APOB: variants seen among roughly 807,000 people sequenced by gnomAD.
The protein encoded by APOB is apolipoprotein B.
APOB carries 153 observed loss-of-function variants against 314.1 expected under a neutral mutation model. That is an observed-to-expected ratio of 0.49 (90% CI 0.43 to 0.56). APOB has a LOEUF of 0.56. Ranked by LOEUF, APOB falls within the 20% of genes least tolerant of loss-of-function variation. APOB has a pLI of 0.00. For missense variants in APOB, 5,430 were observed against 5,350.7 expected, an observed-to-expected ratio of 1.01 and a Z score of -0.46; for synonymous variants, 2,087 against 2,036.4, an observed-to-expected ratio of 1.02 and a Z score of -0.67.
rs778924462 is a variant in APOB at position 21,008,384 on chromosome 2, C to T, written c.8484G>A (p.Val2828=). The change falls in exon 26 of 29, where the codon GTG becomes GTA. Residue 2828 remains valine (V), a synonymous_variant. Transcript: ENST00000233242. The stretch of plus-strand genomic sequence containing the variant: ...TTCTCAGGTACTTGCTGGAGAACTT[C>T]ACTGACTCCTTCAGAGCCAGCGGAT... ...KINPLALKES[V]KFSSKYLRTE... is the part of the protein sequence containing the mutation. The T allele has an allele frequency of 1.9e-6, 3 of 1,613,952 alleles. No individual in the cohort carries two copies. In the African/African-American group the frequency reaches 4.0e-5, roughly 22 times the overall value.
In APOB at chr2:21,008,338, G is replaced by A. The variant is rs1553383318; in HGVS notation, c.8530C>T (p.Leu2844=). ...YLRTEHGSEM[L]FFGNAIEGKS... ...CCCTCAATAGCATTTCCAAAAAACA[G>A]CATTTCACTCCCATGCTCCGTTCTC... The change falls in exon 26 of 29, where the codon CTG becomes TTG. Residue 2844 remains leucine (L), a synonymous_variant. Coordinates refer to ENST00000233242, the MANE Select transcript of APOB (RefSeq NM_000384.3). The A allele has an allele frequency of 3.1e-6, 5 of 1,613,078 alleles. No individual in the cohort carries two copies. Among genetic ancestry groups the A allele is most frequent in the Non-Finnish European group, 2.5e-6 (3 of 1,179,370 alleles).
chr2:21,011,110 A>G lies in APOB; in HGVS notation c.5758T>C (p.Trp1920Arg). ...TACAGCTGCCCAGTATGTTCTCCCC[A>G]GAGAGCGAGTTTCCCATTGCCATTT... is the stretch of plus-strand genomic sequence containing the variant. ...HTNGNGKLAL[W>R]GEHTGQLYSK... Residue 1920 changes from tryptophan (W) to arginine (R), a missense_variant, in exon 26 of 29, where the codon TGG becomes CGG. By Grantham distance (101) the Trp-to-Arg change is moderately radical (BLOSUM62 -3). This residue lies in a region of APOB where 3,281 missense variants were observed against 3,171.0 expected (regional missense o/e 1.03). Coordinates refer to ENST00000233242, the MANE Select transcript of APOB (RefSeq NM_000384.3). The G allele has an allele frequency of 1.2e-6, 2 of 1,614,230 alleles. No individual in the cohort carries two copies. The highest frequency in any genetic ancestry group is 1.1e-5 in the South Asian group (1 of 91,084).
rs1368218567 is a variant in APOB at position 21,007,641 on chromosome 2, A to C, written c.9227T>G (p.Leu3076Arg). The change falls in exon 26 of 29, where the codon CTG becomes CGG. Residue 3076 changes from leucine (L) to arginine (R), a missense_variant. Leu to Arg is a moderately radical substitution (Grantham distance 102). Coordinates refer to ENST00000233242, the MANE Select transcript of APOB (RefSeq NM_000384.3). Reference sequence around the variant, plus strand: ...TTGCTGGGCACTGGGACTCAGAAACAGTGCATAGTTATTCAGGAAGTCTAT... The same window carrying C: ...TTGCTGGGCACTGGGACTCAGAAACCGTGCATAGTTATTCAGGAAGTCTAT... The part of the protein sequence containing the change: ...GKIDFLNNYA[L>R]FLSPSAQQAS... 6.2e-7 allele frequency: 1 copy of C among 1,614,100 alleles called. No homozygotes were observed.
chr2:21,042,361 C>G lies in APOB; in HGVS notation c.237G>C (p.Lys79Asn). The G allele has an allele frequency of 6.2e-7, 1 of 1,611,856 alleles. No individual in the cohort carries two copies. The highest frequency in any genetic ancestry group is 1.7e-4 in the Middle Eastern group (1 of 5,842). Residue 79 changes from lysine to asparagine, a missense_variant and splice_region_variant, in exon 3 of 29, where the codon AAG (lysine) becomes AAC (asparagine). Physicochemically the swap from Lys to Asn is moderately conservative, Grantham distance 94. Coordinates refer to ENST00000233242, the MANE Select transcript of APOB (RefSeq NM_000384.3). Reference sequence around the variant, plus strand: ...TCCCTCCTGCCTGCATCCTCCATACCTTGCAGTTGATCCTGGTGGCACTTC... The same window carrying G: ...TCCCTCCTGCCTGCATCCTCCATACGTTGCAGTTGATCCTGGTGGCACTTC... ...DSRSATRINC[K>N]VELEVPQLCS...
Position 21,023,031 on chromosome 2 carries a change from TTCAGCCTGCA to T in APOB, c.2606_2615del (p.Met869AsnfsTer13). ...CAGACACGGAGGGTTTTGCCACCAG[TTCAGCCTGCA>T]TCTATAAGTCAGAAAACAACCTATT... On this transcript the variant is annotated frameshift_variant and splice_region_variant, in exon 18 of 29. Transcript: ENST00000233242. LOFTEE classifies it high-confidence loss of function. 1 of 1,614,140 alleles carries T rather than the reference TTCAGCCTGCA, an allele frequency of 6.2e-7. No homozygotes were observed.
At chr2:21,029,293 A>G (rs1345399982) in intron 12 of APOB, among the ~76,000 whole-genome samples, 1 of 152,248 alleles carries the variant, frequency 6.6e-6, no homozygotes, top group Non-Finnish European at 1.5e-5. Flanking sequence ...CTACTAAAAA[A>G]TACAAAAATT....
chr2:21,007,896 T>G lies in APOB; in HGVS notation c.8972A>C (p.Gln2991Pro). Residue 2991 changes from glutamine (Q) to proline (P), a missense_variant, in exon 26 of 29, where the codon CAA (glutamine) becomes CCA (proline). By Grantham distance (76) the Gln-to-Pro change is moderately conservative. Coordinates refer to ENST00000233242, the MANE Select transcript of APOB (RefSeq NM_000384.3). ...GTGGCCCACATGCTGGGAATCGACT[T>G]GTGATTGAATTTCAAGTTTAGAAAA... ...LNFSKLEIQS[Q>P]VDSQHVGHSV... 1.2e-6 allele frequency: 2 copies of G among 1,614,056 alleles called. No individual in the cohort carries two copies. Among genetic ancestry groups the G allele is most frequent in the Non-Finnish European group, 1.7e-6 (2 of 1,179,960 alleles).
In APOB at chr2:21,011,706, A is replaced by G. The variant is rs1221823207; in HGVS notation, c.5162T>C (p.Val1721Ala). 2 of 1,613,984 alleles carry G rather than the reference A, an allele frequency of 1.2e-6. No individual in the cohort carries two copies. The highest frequency in any genetic ancestry group is 1.7e-6 in the Non-Finnish European group (2 of 1,180,032). The change falls in exon 26 of 29, where the codon GTC (valine) becomes GCC (alanine). Residue 1721 changes from valine to alanine, a missense_variant. Physicochemically the swap from Val to Ala is moderately conservative, Grantham distance 64. Transcript: ENST00000233242. ...GAAGTTGAAAATGTTTTTGCTGTCG[A>G]CACCCAGAATCATGGCCTGATAAGC... The part of the protein sequence containing the change: ...GSAYQAMILG[V>A]DSKNIFNFKV...
At position 21,009,116 on chromosome 2, in the gene APOB, C is replaced by T. The variant is rs1290144717; in HGVS notation, c.7752G>A (p.Gly2584=). The change falls in exon 26 of 29, where the codon GGG becomes GGA. Residue 2584 remains glycine (G), a synonymous_variant. Transcript: ENST00000233242. ...AKRMKALVEQ[G]FTVPEIKTIL... is the part of the protein sequence containing the mutation. ...TGGTCTTGATTTCAGGAACAGTGAA[C>T]CCTTGCTCTACCAATGCTTTCATAC... 6.2e-7 allele frequency: 1 copy of T among 1,613,920 alleles called. No individual in the cohort carries two copies. The highest frequency in any genetic ancestry group is 2.2e-5 in the East Asian group (1 of 44,890).
In APOB at chr2:21,006,567, G is replaced by A; in HGVS notation, c.10301C>T (p.Pro3434Leu). ...TTGCTTGAAATTCATTCTCAAAATT[G>A]GAATTTGGGCTTTTGTGGTTGTTGC... The part of the protein sequence containing the change: ...SVATTTKAQI[P>L]ILRMNFKQEL... The change falls in exon 26 of 29, where the codon CCA (proline) becomes CTA (leucine). Residue 3434 changes from proline (P) to leucine (L), a missense_variant. Physicochemically the swap from Pro to Leu is moderately conservative, Grantham distance 98. Transcript: ENST00000233242. 1 of 1,614,064 alleles carries A rather than the reference G, an allele frequency of 6.2e-7. No individual in the cohort carries two copies. Among genetic ancestry groups the A allele is most frequent in the Non-Finnish European group, 8.5e-7 (1 of 1,179,960 alleles).
At position 21,009,459 on chromosome 2, in the gene APOB, A is replaced by G. The variant is rs746574955; in HGVS notation, c.7409T>C (p.Leu2470Ser). 3.1e-6 allele frequency: 5 copies of G among 1,614,012 alleles called. No individual in the cohort carries two copies. The Admixed American group carries it at 8.3e-5, about 27-fold the overall frequency. The change falls in exon 26 of 29, where the codon TTA (leucine) becomes TCA (serine). Residue 2470 changes from leucine to serine, a missense_variant. By Grantham distance (145) the Leu-to-Ser change is moderately radical (BLOSUM62 -2). Transcript: ENST00000233242. ...PQKAEALKLF[L>S]EETKATVAVY... ...TGCAACTGTGGCCTTGGTTTCCTCT[A>G]AAAACAGTTTTAATGCTTCAGCTTT...
intron 18 of APOB, 80 bp downstream of exon 18, chr2:21,022,750 GT>G: frequency 7.4e-7 from 1 of 1,357,450 alleles, no homozygotes; most frequent in Non-Finnish European, 1.0e-6. Flanking sequence ...TCAATCAACT[GT>G]TTAGCCTGGC....
At chr2:21,040,166 T>C (rs1339947872) in intron 4 of APOB, among the ~76,000 whole-genome samples, 5 of 152,230 alleles carry the variant, frequency 3.3e-5, no homozygotes, top group Non-Finnish European at 7.3e-5. Flanking sequence ...CTACATAAGA[T>C]GTGACTTGCT....
chr2:21,011,837 G>A lies in APOB; in HGVS notation c.5031C>T (p.Leu1677=), dbSNP rs1470699800. ...TTGTTAATTTCATAGATGCCCCAGAGAGGCCAAGCTCTGCATTCAGCTCAT... is the reference window on the plus strand; with the variant it reads ...TTGTTAATTTCATAGATGCCCCAGAAAGGCCAAGCTCTGCATTCAGCTCAT... ...LENELNAELG[L]SGASMKLTTN... is the part of the protein sequence containing the mutation. Residue 1677 remains leucine, a synonymous_variant, in exon 26 of 29, where the codon CTC becomes CTT. Transcript: ENST00000233242. 3.1e-6 allele frequency: 5 copies of A among 1,614,014 alleles called. No individual in the cohort carries two copies. In the African/African-American group the frequency reaches 4.0e-5, roughly 13 times the overall value.
chr2:21,002,844 A>C lies in APOB; in HGVS notation c.12578T>G (p.Leu4193Arg). 6.2e-7 allele frequency: 1 copy of C among 1,613,214 alleles called. No homozygotes were observed. Among genetic ancestry groups the C allele is most frequent in the Non-Finnish European group, 8.5e-7 (1 of 1,179,640 alleles). Residue 4193 changes from leucine (L) to arginine (R), a missense_variant, in exon 29 of 29, where the codon CTC (leucine) becomes CGC (arginine). Coordinates refer to ENST00000233242, the MANE Select transcript of APOB (RefSeq NM_000384.3). Reference protein sequence around the residue: ...HMKVKHLIDSLIDFLNFPRFQ... With the variant: ...HMKVKHLIDSRIDFLNFPRFQ... ...TCTGGGGAAGTTCAGAAAATCAATG[A>C]GTGAGTCAATCAGATGCTTGACTTT...
chr2:21,012,038 C>A lies in APOB; in HGVS notation c.4830G>T (p.Arg1610Ser), dbSNP rs977664488. The part of the protein sequence containing the change: ...SEYQADYESL[R>S]FFSLLSGSLN... ...GTGATCCAGAAAGCAGGCTGAAGAA[C>A]CTCAATGACTCGTAATCAGCCTGAT... Residue 1610 changes from arginine to serine, a missense_variant, in exon 26 of 29, where the codon AGG (arginine) becomes AGT (serine). This residue lies in a region of APOB where 2,085 missense variants were observed against 2,079.7 expected (regional missense o/e 1.00). Transcript: ENST00000233242. 3.1e-6 allele frequency: 5 copies of A among 1,614,198 alleles called. No individual in the cohort carries two copies. The highest frequency in any genetic ancestry group is 1.7e-5 in the Admixed American group (1 of 60,016).
chr2:21,039,025 AT>A (rs1214645864), intron 4 of APOB, among the ~76,000 whole-genome samples: 3 of 151,966 alleles, frequency 2.0e-5, no homozygotes. Flanking sequence ...CTCTTTCTGG[AT>A]TTTTTTTAAA....
intron 27 of APOB, 41 bp from the exon 28 acceptor site, chr2:21,004,493 T>C (rs747562807): frequency 4.0e-5 from 65 of 1,613,206 alleles, no homozygotes; most frequent in Non-Finnish European, 5.3e-5. Context: ...GAAAGGGGTA[T>C]GGAGATGAAG....
intron 7 of APOB, 22 bp downstream of exon 7, chr2:21,035,561 CA>C (rs1373749806): frequency 1.9e-6 from 3 of 1,613,732 alleles, no homozygotes; most frequent in South Asian, 1.1e-5. Flanking sequence ...AATGACAAAT[CA>C]GGGGTGCATC....
Sources: allele counts gnomAD v4.1 joint callset (sites outside exome capture counted in the v4.1 genomes callset), GRCh38; gene constraint gnomAD v4.1.1; regional missense constraint gnomAD v4.1.1; transcripts MANE v1.5; gene names NCBI Gene and HGNC (gene_info 2026-07-23, HGNC 2026-07-21).